ENPP6: variants seen among roughly 807,000 people sequenced by gnomAD.
The protein encoded by ENPP6 is glycerophosphocholine cholinephosphodiesterase ENPP6.
Under a neutral mutation model 42.0 loss-of-function variants are expected in ENPP6, and 32 were observed. The ratio of observed to expected loss-of-function variants is 0.76; its 90% CI spans 0.58 to 1.02. The LOEUF (loss-of-function observed/expected upper bound fraction) is 1.02, where lower values mean the gene tolerates loss of function less well. Ranked by LOEUF, ENPP6 falls within the 50% of genes least tolerant of loss-of-function variation. ENPP6 has a pLI of 0.00. For synonymous variants in ENPP6, 213 were observed against 216.0 expected (o/e 0.99, Z 0.12); for missense variants, 552 against 566.8 (o/e 0.97, Z 0.27).
chr4:184,196,930 AC>A (rs142774115), intron 1 of ENPP6, among the ~76,000 whole-genome samples: 5 of 151,594 alleles, frequency 3.3e-5, no homozygotes, highest in Non-Finnish European at 7.4e-5. Flanking sequence ...AACTTTCAAG[AC>A]CCCCCCACAG....
chr4:184,177,698 G>A (rs1303927977), intron 1 of ENPP6, among the ~76,000 whole-genome samples: 1 of 152,200 alleles, frequency 6.6e-6, no homozygotes, highest in East Asian at 1.9e-4. Flanking sequence ...GCCTCCACTG[G>A]TGACACCTCC....
At position 184,216,250 on chromosome 4, in the gene ENPP6, G is replaced by T. The variant is rs181293779; in HGVS notation, c.241+1329C>A. Among the ~76,000 whole-genome samples, 12 of 152,320 alleles carry T rather than the reference G, an allele frequency of 7.9e-5. No individual in the cohort carries two copies. The East Asian group carries it at 2.1e-3, about 27-fold the overall frequency. Reference sequence around the variant, plus strand: ...CCTGCAAGGGGAGACACATGCCAGGGGAGGGCCAGAGAATTTTGTTAATTC... The same window carrying T: ...CCTGCAAGGGGAGACACATGCCAGGTGAGGGCCAGAGAATTTTGTTAATTC... On this transcript the variant is annotated intron_variant, in intron 1 of 7. Coordinates refer to ENST00000296741, the MANE Select transcript of ENPP6 (RefSeq NM_153343.4).
chr4:184,187,537 G>A (rs944145003), intron 1 of ENPP6, among the ~76,000 whole-genome samples: 7 of 152,132 alleles, frequency 4.6e-5, no homozygotes, highest in Non-Finnish European at 1.5e-5. Flanking sequence ...TCCCTGCCTG[G>A]AATGCTTTGT....
intron 1 of ENPP6, among the ~76,000 whole-genome samples, chr4:184,158,896 G>C (rs1283313212): frequency 6.6e-6 from 1 of 152,070 alleles, no homozygotes; most frequent in African/African-American, 2.4e-5. Context: ...CTAGAGCTTT[G>C]TAAATGATGT....
At chr4:184,146,169 A>G (rs1391084452) in intron 2 of ENPP6, among the ~76,000 whole-genome samples, 1 of 152,056 alleles carries the variant, frequency 6.6e-6, no homozygotes, top group Admixed American at 6.5e-5. Flanking sequence ...GCAGTGGCTC[A>G]CGCCTGTAAT....
chr4:184,120,294 C>T (rs1736395324), intron 3 of ENPP6, among the ~76,000 whole-genome samples: 1 of 152,156 alleles, frequency 6.6e-6, no homozygotes, highest in Non-Finnish European at 1.5e-5. Flanking sequence ...GTCATCCATT[C>T]CTTCATTAGT....
intron 1 of ENPP6, among the ~76,000 whole-genome samples, chr4:184,209,903 C>T (rs1457092806): frequency 1.5e-5 from 2 of 135,122 alleles, no homozygotes; most frequent in African/African-American, 6.2e-5. Context: ...AGAAACCCTA[C>T]AAGCCAGAAG....
At chr4:184,096,775 A>T (rs1481579196) in intron 7 of ENPP6, among the ~76,000 whole-genome samples, 1 of 152,062 alleles carries the variant, frequency 6.6e-6, no homozygotes, top group Admixed American at 6.5e-5. Flanking sequence ...AGCACATCCC[A>T]GCTTCTGGCT....
chr4:184,134,166 C>T (rs1159277096), intron 2 of ENPP6, among the ~76,000 whole-genome samples: 1 of 58,886 alleles, frequency 1.7e-5, no homozygotes, highest in Non-Finnish European at 4.8e-5. Flanking sequence ...ATTTTTAGAG[C>T]TGGTATCACA....
chr4:184,215,953 A>G (rs776013975), intron 1 of ENPP6, among the ~76,000 whole-genome samples: 2 of 151,938 alleles, frequency 1.3e-5, no homozygotes, highest in African/African-American at 2.4e-5. Context: ...TCTGACAAAC[A>G]AAAGGCCATG....
chr4:184,151,113 G>A (rs1318494246), intron 2 of ENPP6, among the ~76,000 whole-genome samples: 2 of 152,190 alleles, frequency 1.3e-5, no homozygotes, highest in Non-Finnish European at 2.9e-5. Flanking sequence ...CAAGGTGGGT[G>A]GATCACCTGA....
At chr4:184,133,269 G>C (rs888572989) in intron 2 of ENPP6, among the ~76,000 whole-genome samples, 7 of 151,932 alleles carry the variant, frequency 4.6e-5, no homozygotes, top group Non-Finnish European at 8.8e-5. Context: ...AAGACTACCA[G>C]TTTATAAACA....
intron 6 of ENPP6, among the ~76,000 whole-genome samples, chr4:184,097,715 G>A (rs927709679): frequency 6.6e-6 from 1 of 152,182 alleles, no homozygotes; most frequent in African/African-American, 2.4e-5. Context: ...TTTGTCCCAG[G>A]TTTCTAACCT....
intron 1 of ENPP6, among the ~76,000 whole-genome samples, chr4:184,176,887 C>T (rs1163965933): frequency 6.6e-6 from 1 of 152,206 alleles, no homozygotes; most frequent in Non-Finnish European, 1.5e-5. Context: ...CTGTCTCTAA[C>T]TACAACCTTC....
intron 1 of ENPP6, among the ~76,000 whole-genome samples, chr4:184,204,356 T>G (rs373816593): frequency 6.6e-6 from 1 of 152,192 alleles, no homozygotes; most frequent in African/African-American, 2.4e-5. Context: ...CCTGGCCACC[T>G]AAGCAGCCTG....
chr4:184,119,583 CA>C (rs1472087910), intron 3 of ENPP6, among the ~76,000 whole-genome samples: 1 of 152,130 alleles, frequency 6.6e-6, no homozygotes, highest in East Asian at 1.9e-4. Flanking sequence ...AGATAAATGG[CA>C]AGATTATCTC....
intron 6 of ENPP6, among the ~76,000 whole-genome samples, chr4:184,108,358 A>G (rs4862309): frequency 0.34 from 52,357 of 152,132 alleles, 10,095 homozygotes; most frequent in East Asian, 0.53. Context: ...GGATGGGTGT[A>G]TAGGTTTCAG....
At chr4:184,196,263 A>G (rs527722764) in intron 1 of ENPP6, among the ~76,000 whole-genome samples, 2 of 152,220 alleles carry the variant, frequency 1.3e-5, no homozygotes, top group African/African-American at 4.8e-5. Flanking sequence ...CTCAGAAATG[A>G]GCTGTGCTTC....
chr4:184,100,837 G>A (rs959516369), intron 6 of ENPP6, among the ~76,000 whole-genome samples: 2 of 152,234 alleles, frequency 1.3e-5, no homozygotes, highest in Non-Finnish European at 2.9e-5. Flanking sequence ...CTACGGATGT[G>A]GACTGAGCTC....
Sources: allele counts gnomAD v4.1 joint callset (sites outside exome capture counted in the v4.1 genomes callset), GRCh38; gene constraint gnomAD v4.1.1; transcripts MANE v1.5; gene names NCBI Gene and HGNC (gene_info 2026-07-23, HGNC 2026-07-21).